The following CYP2S1 variants were observed in gnomAD, a reference collection of about 807,000 sequenced individuals.
The protein encoded by CYP2S1 is cytochrome P450 2S1.
Under a neutral mutation model 43.5 loss-of-function variants are expected in CYP2S1, and 32 were observed. The ratio of observed to expected loss-of-function variants is 0.74; its 90% CI spans 0.56 to 0.99. The LOEUF (loss-of-function observed/expected upper bound fraction) is 0.99. Among genes scored for constraint, CYP2S1 ranks in the 50% least tolerant of loss-of-function variants. The pLI is 0.00. For synonymous variants in CYP2S1, 283 were observed against 302.9 expected (o/e 0.93, Z 0.68); for missense variants, 575 against 673.9 (o/e 0.85, Z 1.62).
intron 1 of CYP2S1, 61 bp from the exon 2 acceptor site, chr19:41,194,483 T>G: frequency 4.0e-6 from 6 of 1,489,092 alleles, no homozygotes; most frequent in Non-Finnish European, 5.3e-6. Context: ...GGGGCCATGA[T>G]GGAGACACCT....
chr19:41,205,979 C>G lies in CYP2S1; in HGVS notation c.1186C>G (p.Leu396Val). 1 of 1,613,998 alleles carries G rather than the reference C, an allele frequency of 6.2e-7. No homozygotes were observed. The change falls in exon 8 of 9, where the codon CTT (leucine) becomes GTT (valine). Residue 396 changes from leucine to valine, a missense_variant. This residue lies in a region of CYP2S1 where 222 missense variants were observed against 306.3 expected (regional missense o/e 0.72). Transcript: ENST00000310054. ...TCAGGGCACGGAGGTCTTCCCCCTC[C>G]TTGGCTCCATCCTGCATGACCCCAA... ...LPQGTEVFPL[L>V]GSILHDPNIF...
At chr19:41,199,979 A>G (rs898663669) in intron 5 of CYP2S1, among the ~76,000 whole-genome samples, 5 of 151,502 alleles carry the variant, frequency 3.3e-5, no homozygotes, top group African/African-American at 1.2e-4. Flanking sequence ...TCAAAAAAAA[A>G]AAAAAAGAAA....
chr19:41,198,736 C>G lies in CYP2S1; in HGVS notation c.682C>G (p.Arg228Gly). ...QTYEMFSWFL[R>G]PLPGPHKQLL... ...CTACGAGATGTTCTCCTGGTTCCTG[C>G]GGCCCCTGCCAGGCCCCCACAAGCA... Residue 228 changes from arginine (R) to glycine (G), a missense_variant, in exon 5 of 9, where the codon CGG (arginine) becomes GGG (glycine). Around this residue, in one of 2 missense-constraint regions of CYP2S1, gnomAD observed 353 missense variants for 367.6 expected, o/e 0.96. Transcript: ENST00000310054. The surrounding 1 kb of genome is among the most constrained non-coding windows in gnomAD (Gnocchi z 4.9). The G allele has an allele frequency of 6.2e-7, 1 of 1,614,126 alleles. No homozygotes were observed. The highest frequency in any genetic ancestry group is 8.5e-7 in the Non-Finnish European group (1 of 1,180,010).
intron 1 of CYP2S1, chr19:41,193,871 T>C (rs2033374703): frequency 6.3e-6 from 1 of 157,696 alleles, no homozygotes. Context: ...CTGCGGGGAG[T>C]TGGAGGCAGA....
Position 41,207,153 on chromosome 19 carries a change from G to T in CYP2S1, c.*665G>T. The T allele has an allele frequency of 3.5e-6, 1 of 283,338 alleles. No homozygotes were observed. Among genetic ancestry groups the T allele is most frequent in the South Asian group, 3.7e-5 (1 of 26,920 alleles). 17.6% of individuals were successfully genotyped at this position (283,338 alleles called of 1,614,324 possible). On this transcript the variant is annotated 3_prime_UTR_variant, in exon 9 of 9. Coordinates refer to ENST00000310054, the MANE Select transcript of CYP2S1 (RefSeq NM_030622.8). The stretch of plus-strand genomic sequence containing the variant: ...CGCCCCCACAGAGGCACAGTCCCCA[G>T]CCACCTCTGCAACTGCAGCCCTCAG...
intron 5 of CYP2S1, 152 bp downstream of exon 5, chr19:41,199,040 C>A: frequency 9.7e-7 from 1 of 1,027,840 alleles, no homozygotes. Context: ...CATGTGTGTG[C>A]ATCCCTTCTC....
At position 41,204,467 on chromosome 19, in the gene CYP2S1, G is replaced by A. The variant is rs185912359; in HGVS notation, c.1164+830G>A. Among the ~76,000 whole-genome samples the A allele has an allele frequency of 2.4e-3, 361 of 152,124 alleles. 1 individual carries two copies. The highest frequency in any genetic ancestry group is 8.3e-3 in the African/African-American group (346 of 41,506). ...CTCCGATGCAGAACCAAAAGGGGGCGATGTTTCCCCAGAAACCCCAGCAGT... is the reference window on the plus strand; with the variant it reads ...CTCCGATGCAGAACCAAAAGGGGGCAATGTTTCCCCAGAAACCCCAGCAGT... On this transcript the variant is annotated intron_variant, in intron 7 of 8. Transcript: ENST00000310054.
At chr19:41,200,065 T>C (rs892268288) in intron 5 of CYP2S1, among the ~76,000 whole-genome samples, 1 of 152,110 alleles carries the variant, frequency 6.6e-6, no homozygotes, top group Non-Finnish European at 1.5e-5. Context: ...AGTTTTTAAC[T>C]GTACGAACTT....
Position 41,198,832 on chromosome 19 carries a change from G to A in CYP2S1, c.778G>A (p.Asp260Asn), listed in dbSNP as rs1196456126. ...RQVQQHQGNL[D>N]ASGPARDLVD... ...GGTGCAGCAGCACCAGGGGAACCTG[G>A]ATGCTTCGGGCCCCGCACGTGACCT... Residue 260 changes from aspartate to asparagine, a missense_variant, in exon 5 of 9, where the codon GAT becomes AAT. Asp to Asn is a conservative substitution (Grantham distance 23, BLOSUM62 1). Around this residue, in one of 2 missense-constraint regions of CYP2S1, gnomAD observed 353 missense variants for 367.6 expected, o/e 0.96. Transcript: ENST00000310054. This position sits in a 1 kb window ranked among gnomAD's most constrained non-coding sequence, Gnocchi z 4.9. 1 of 1,614,056 alleles carries A rather than the reference G, an allele frequency of 6.2e-7. No homozygotes were observed.
chr19:41,194,722 C>A lies in CYP2S1; in HGVS notation c.343+13C>A, dbSNP rs577807217. ...TTTGATGGCCATGGTAAGTCAAGGG[C>A]TGCTAGGCCCTCCGCTCACAGCCTG... On this transcript the variant is annotated intron_variant, in intron 2 of 8. Coordinates refer to ENST00000310054, the MANE Select transcript of CYP2S1 (RefSeq NM_030622.8). The A allele has an allele frequency of 6.2e-7, 1 of 1,600,182 alleles. No homozygotes were observed. The highest frequency in any genetic ancestry group is 8.5e-7 in the Non-Finnish European group (1 of 1,175,310).
intron 2 of CYP2S1, among the ~76,000 whole-genome samples, chr19:41,196,378 T>A (rs1328607300): frequency 1.3e-5 from 2 of 152,120 alleles, no homozygotes; most frequent in African/African-American, 4.8e-5. Flanking sequence ...TTGTTTTTCC[T>A]GGGAGCAGTC....
chr19:41,206,450 C>T lies in CYP2S1; in HGVS notation c.1477C>T (p.Arg493Cys), dbSNP rs371909884. 3.1e-5 allele frequency: 50 copies of T among 1,614,008 alleles called. No individual in the cohort carries two copies. The highest frequency in any genetic ancestry group is 3.7e-5 in the Non-Finnish European group (44 of 1,180,044). ...NIPPAFQLQV[R>C]PTDLHSTTQT... ...TCCCCCAGCCTTCCAGCTGCAAGTC[C>T]GTCCCACTGACCTTCACTCCACCAC... Residue 493 changes from arginine to cysteine, a missense_variant, in exon 9 of 9, where the codon CGT becomes TGT. By Grantham distance (180) the Arg-to-Cys change is radical. Coordinates refer to ENST00000310054, the MANE Select transcript of CYP2S1 (RefSeq NM_030622.8).
At position 41,198,810 on chromosome 19, in the gene CYP2S1, G is replaced by A. The variant is rs1382764858; in HGVS notation, c.756G>A (p.Val252=). The A allele has an allele frequency of 6.2e-7, 1 of 1,614,200 alleles. No homozygotes were observed. The highest frequency in any genetic ancestry group is 8.5e-7 in the Non-Finnish European group (1 of 1,180,038). ...TGGCTGCCTTCACAGTCCGGCAGGT[G>A]CAGCAGCACCAGGGGAACCTGGATG... is the stretch of plus-strand genomic sequence containing the variant. ...STLAAFTVRQ[V]QQHQGNLDAS... Residue 252 remains valine (V), a synonymous_variant, in exon 5 of 9, where the codon GTG becomes GTA. Coordinates refer to ENST00000310054, the MANE Select transcript of CYP2S1 (RefSeq NM_030622.8). The surrounding 1 kb of genome is among the most constrained non-coding windows in gnomAD (Gnocchi z 4.9).
In CYP2S1 at chr19:41,198,990, T is replaced by C. The variant is rs2033453880; in HGVS notation, c.834+102T>C. Reference sequence around the variant, plus strand: ...GACCTCAATTGGGTTCCTCTCTCTTTCTCTCTCTGCATGTCTCTGTGAGTA... The same window carrying C: ...GACCTCAATTGGGTTCCTCTCTCTTCCTCTCTCTGCATGTCTCTGTGAGTA... On this transcript the variant is annotated intron_variant, in intron 5 of 8. Coordinates refer to ENST00000310054, the MANE Select transcript of CYP2S1 (RefSeq NM_030622.8). The surrounding 1 kb of genome is among the most constrained non-coding windows in gnomAD (Gnocchi z 4.9). The C allele has an allele frequency of 7.3e-7, 1 of 1,365,276 alleles. No homozygotes were observed. The highest frequency in any genetic ancestry group is 1.4e-5 in the South Asian group (1 of 71,728). 84.6% of individuals were successfully genotyped at this position (1,365,276 alleles called of 1,614,324 possible).
At chr19:41,195,583 T>C (rs1438762650) in intron 2 of CYP2S1, among the ~76,000 whole-genome samples, 1 of 151,750 alleles carries the variant, frequency 6.6e-6, no homozygotes, top group Non-Finnish European at 1.5e-5. Context: ...ACTGTAGGAA[T>C]TTAGAGGAGG....
rs529932686 is a variant in CYP2S1 at position 41,202,210 on chromosome 19, A to T, written c.976+838A>T. 3.3e-5 allele frequency among the ~76,000 whole-genome samples: 5 copies of T among 152,082 alleles called. No homozygotes were observed. The South Asian group carries it at 1.0e-3, about 32-fold the overall frequency. On this transcript the variant is annotated intron_variant, in intron 6 of 8. Transcript: ENST00000310054. The stretch of plus-strand genomic sequence containing the variant: ...CCCATGTTGGCCAGGCTGGTCCCGA[A>T]CTCCTGACCTCAAGTGATCTGCCCA...
chr19:41,203,421 T>C, intron 6 of CYP2S1, 29 bp from the exon 7 acceptor site: 1 of 1,559,782 alleles, frequency 6.4e-7, no homozygotes, highest in Non-Finnish European at 8.7e-7. Context: ...CCTACCCCCG[T>C]CTGACTCCTG....
Position 41,203,628 on chromosome 19 carries a change from C to T in CYP2S1, c.1155C>T (p.Thr385=), listed in dbSNP as rs749829929. 11 of 1,540,620 alleles carry T rather than the reference C, an allele frequency of 7.1e-6. No homozygotes were observed. The highest frequency in any genetic ancestry group is 9.6e-6 in the Non-Finnish European group (11 of 1,141,596). Residue 385 remains threonine (T), a synonymous_variant, in exon 7 of 9, where the codon ACC becomes ACT. Transcript: ENST00000310054. ...GGACCACCCGCTTCCGAGGGTACACCCTGCCCCAGGTGGGTATGCGTATGG... is the reference window on the plus strand; with the variant it reads ...GGACCACCCGCTTCCGAGGGTACACTCTGCCCCAGGTGGGTATGCGTATGG... ...LMRTTRFRGY[T]LPQGTEVFPL...
intron 5 of CYP2S1, among the ~76,000 whole-genome samples, chr19:41,200,249 A>C (rs2033471458): frequency 6.6e-6 from 1 of 152,186 alleles, no homozygotes; most frequent in Non-Finnish European, 1.5e-5. Flanking sequence ...TTAGGTATAC[A>C]GTACAGTAGT....
Sources: allele counts gnomAD v4.1 joint callset (sites outside exome capture counted in the v4.1 genomes callset), GRCh38; gene constraint gnomAD v4.1.1; regional missense constraint gnomAD v4.1.1; non-coding constraint Gnocchi (gnomAD v3.1); transcripts MANE v1.5; gene names NCBI Gene and HGNC (gene_info 2026-07-23, HGNC 2026-07-21).